Variants in TIAM1 observed in about 807,000 individuals in gnomAD.
TIAM1 encodes the protein TIAM Rac1 associated GEF 1.
In TIAM1, 65 loss-of-function variants were observed where a neutral mutation model predicts 163.5. That is an observed-to-expected ratio of 0.40 (90% CI 0.33 to 0.49). The LOEUF (loss-of-function observed/expected upper bound fraction) is 0.49. Among genes scored for constraint, TIAM1 ranks in the 20% least tolerant of loss-of-function variants. TIAM1 has a pLI of 0.77. For missense variants in TIAM1, 1,789 were observed against 2,044.7 expected (o/e 0.87, Z 2.41); for synonymous variants, 833 against 810.1 (o/e 1.03, Z -0.48).
At chr21:31,461,981 A>G (rs1053520018) in intron 2 of TIAM1, among the ~76,000 whole-genome samples, 2 of 152,182 alleles carry the variant, frequency 1.3e-5, no homozygotes, top group African/African-American at 2.4e-5. Flanking sequence ...TTGATACTTT[A>G]AAGCCACAGT....
chr21:31,177,592 G>C (rs551678860), intron 15 of TIAM1, among the ~76,000 whole-genome samples: 45 of 152,270 alleles, frequency 3.0e-4, no homozygotes, highest in African/African-American at 1.1e-3. Context: ...GGGTGACAGA[G>C]TGAGACTCTG....
rs140821476 is a variant in TIAM1 at position 31,167,367 on chromosome 21, G to C, written c.2888-2302C>G. Among the ~76,000 whole-genome samples, 287 of 152,306 alleles carry C rather than the reference G, an allele frequency of 1.9e-3. 2 individuals carry two copies. Among genetic ancestry groups the C allele is most frequent in the African/African-American group, 6.7e-3 (278 of 41,566 alleles). On this transcript the variant is annotated intron_variant, in intron 15 of 27. Transcript: ENST00000541036. The stretch of plus-strand genomic sequence containing the variant: ...CAAAGTGCTGGGATTACAGGCATGA[G>C]CCACAGTGCCCGGCTGGATTTTCAT...
intron 6 of TIAM1, among the ~76,000 whole-genome samples, chr21:31,229,077 G>A (rs1288176550): frequency 1.3e-5 from 2 of 152,176 alleles, no homozygotes; most frequent in African/African-American, 2.4e-5. Flanking sequence ...AGATTTGGGT[G>A]GGGGCACAGC....
chr21:31,254,441 C>T (rs1466712584), intron 4 of TIAM1, among the ~76,000 whole-genome samples: 2 of 152,228 alleles, frequency 1.3e-5, no homozygotes, highest in East Asian at 1.9e-4. Flanking sequence ...TGCCTATAAT[C>T]CCTGCACTTT....
intron 15 of TIAM1, among the ~76,000 whole-genome samples, chr21:31,168,723 T>A (rs2146380216): frequency 6.6e-6 from 1 of 152,298 alleles, no homozygotes; most frequent in Middle Eastern, 3.4e-3. Context: ...ATCATAGGAC[T>A]GACTTCATAT....
At chr21:31,558,328 T>C (rs1381827409) in intron 1 of TIAM1, among the ~76,000 whole-genome samples, 2 of 151,926 alleles carry the variant, frequency 1.3e-5, no homozygotes, top group Admixed American at 1.3e-4. Flanking sequence ...AATGCCCCCC[T>C]CCGGGGGTTC....
In TIAM1 at chr21:31,421,095, C is replaced by T. The variant is rs1468982733; in HGVS notation, c.-369+42888G>A. Among the ~76,000 whole-genome samples, 3 of 150,536 alleles carry T rather than the reference C, an allele frequency of 2.0e-5. No individual in the cohort carries two copies. In the Admixed American group the frequency reaches 2.0e-4, roughly 10 times the overall value. On this transcript the variant is annotated intron_variant, in intron 2 of 28. Coordinates refer to the TIAM1 transcript ENST00000286827. ...GCAGTGAGCCGAGATCATGCCACTA[C>T]ACTCCAGCCTGGGCAACAGAGTGAG...
intron 2 of TIAM1, among the ~76,000 whole-genome samples, chr21:31,332,390 C>T (rs2075703286): frequency 6.6e-6 from 1 of 152,132 alleles, no homozygotes; most frequent in East Asian, 1.9e-4. Flanking sequence ...AAGGATGCAA[C>T]TCACAGCCCT....
chr21:31,498,630 G>A (rs558931397), intron 1 of TIAM1, among the ~76,000 whole-genome samples: 1 of 152,304 alleles, frequency 6.6e-6, no homozygotes, highest in South Asian at 2.1e-4. Context: ...GGACTAGTGA[G>A]AAGTCAAGAC....
upstream of TIAM1, among the ~76,000 whole-genome samples, chr21:31,347,739 G>A (rs113556451): frequency 3.9e-5 from 6 of 152,016 alleles, no homozygotes; most frequent in African/African-American, 1.5e-4. Flanking sequence ...TGCATGCACG[G>A]ACGTTCAGAG....
At chr21:31,509,998 G>C (rs1277611349) in intron 1 of TIAM1, among the ~76,000 whole-genome samples, 2 of 152,198 alleles carry the variant, frequency 1.3e-5, no homozygotes, top group African/African-American at 4.8e-5. Context: ...ATGAGGCACA[G>C]CCATCAAAGG....
At chr21:31,495,589 A>G (rs1163700865) in intron 1 of TIAM1, among the ~76,000 whole-genome samples, 1 of 152,234 alleles carries the variant, frequency 6.6e-6, no homozygotes, top group African/African-American at 2.4e-5. Flanking sequence ...TGGAGGGGCC[A>G]CATTCGAACC....
In TIAM1 at chr21:31,359,599, C is replaced by A. The variant is rs538968443; in HGVS notation, c.-368-20177G>T. Among the ~76,000 whole-genome samples the A allele has an allele frequency of 3.9e-5, 6 of 152,068 alleles. No individual in the cohort carries two copies. The South Asian group carries it at 1.2e-3, about 32-fold the overall frequency. On this transcript the variant is annotated intron_variant, in intron 2 of 28. Transcript: ENST00000286827. ...CACAAAGTCAAGAGTTTGAGACCAG[C>A]CAACATAGTGAAATCCTGTCTCTAC... is the stretch of plus-strand genomic sequence containing the variant.
intron 1 of TIAM1, among the ~76,000 whole-genome samples, chr21:31,481,723 C>A (rs926731476): frequency 2.0e-5 from 3 of 152,124 alleles, no homozygotes; most frequent in African/African-American, 4.8e-5. Context: ...GGGGAGAGCA[C>A]CCAGCTCCCA....
chr21:31,402,157 G>A (rs755089528), intron 2 of TIAM1, among the ~76,000 whole-genome samples: 1 of 152,016 alleles, frequency 6.6e-6, no homozygotes, highest in Non-Finnish European at 1.5e-5. Context: ...AGATTGCAGT[G>A]AGCCGAGATT....
intron 27 of TIAM1, chr21:31,123,986 T>G (rs1039315962): frequency 2.6e-5 from 4 of 152,290 alleles, no homozygotes; most frequent in Non-Finnish European, 4.4e-5. Flanking sequence ...AAAATAAAGT[T>G]GCAGGCACAA....
At chr21:31,377,593 T>C (rs1450114812) in intron 2 of TIAM1, among the ~76,000 whole-genome samples, 1 of 152,160 alleles carries the variant, frequency 6.6e-6, no homozygotes, top group South Asian at 2.1e-4. Context: ...AACCCTTCTG[T>C]ATATGTACAA....
chr21:31,411,911 G>A (rs188263141), intron 2 of TIAM1, among the ~76,000 whole-genome samples: 78 of 152,186 alleles, frequency 5.1e-4, no homozygotes, highest in African/African-American at 1.8e-3. Flanking sequence ...AGTGCATTTC[G>A]TCAGCTCTTT....
At chr21:31,500,999 A>G (rs1012495283) in intron 1 of TIAM1, among the ~76,000 whole-genome samples, 3 of 152,216 alleles carry the variant, frequency 2.0e-5, no homozygotes, top group Non-Finnish European at 4.4e-5. Flanking sequence ...CAACTAATAA[A>G]TAACATTTCA....
Sources: allele counts gnomAD v4.1 joint callset (sites outside exome capture counted in the v4.1 genomes callset), GRCh38; gene constraint gnomAD v4.1.1; transcripts MANE v1.5; gene names NCBI Gene and HGNC (gene_info 2026-07-23, HGNC 2026-07-21).